DACH1: variants seen among roughly 807,000 people sequenced by gnomAD.
The protein encoded by DACH1 is dachshund family transcription factor 1.
DACH1 carries 12 observed loss-of-function variants against 54.2 expected under a neutral mutation model. The ratio of observed to expected loss-of-function variants is 0.22; its 90% CI spans 0.14 to 0.36. The LOEUF (loss-of-function observed/expected upper bound fraction) is 0.36, where lower values mean the gene tolerates loss of function less well. DACH1 is among the 10% of genes least tolerant of loss of function. The pLI, the probability that DACH1 is intolerant of heterozygous loss-of-function variation, is 1.00. For synonymous variants in DACH1, 386 were observed against 366.2 expected (o/e 1.05, Z -0.62); for missense variants, 805 against 929.8 (o/e 0.87, Z 1.75).
At chr13:71,831,570 C>A (rs1392647081) in intron 1 of DACH1, among the ~76,000 whole-genome samples, 1 of 151,790 alleles carries the variant, frequency 6.6e-6, no homozygotes, top group African/African-American at 2.4e-5. Context: ...GAGAGTTAAT[C>A]TTCTGATTCT....
intron 3 of DACH1, among the ~76,000 whole-genome samples, chr13:71,596,318 G>A (rs752102719): frequency 6.6e-6 from 1 of 152,014 alleles, no homozygotes; most frequent in Non-Finnish European, 1.5e-5. Context: ...TGCCGTGTGA[G>A]TCACTACTCC....
intron 2 of DACH1, among the ~76,000 whole-genome samples, chr13:71,672,894 A>G (rs903643712): frequency 6.6e-6 from 1 of 152,094 alleles, no homozygotes; most frequent in African/African-American, 2.4e-5. Flanking sequence ...TCAAAAGTTG[A>G]CTCTGAAAAT....
intron 1 of DACH1, among the ~76,000 whole-genome samples, chr13:71,821,015 G>A (rs1054871373): frequency 1.5e-4 from 23 of 152,156 alleles, no homozygotes; most frequent in Admixed American, 1.4e-3. Flanking sequence ...ACAGCTAGCT[G>A]TACTGCAAAG....
intron 1 of DACH1, among the ~76,000 whole-genome samples, chr13:71,710,370 G>A (rs547459475): frequency 8.6e-5 from 13 of 151,970 alleles, no homozygotes; most frequent in South Asian, 2.1e-4. Context: ...AGAGGGATGC[G>A]CAGAGGATCA....
intron 1 of DACH1, among the ~76,000 whole-genome samples, chr13:71,842,819 CA>C (rs1872967803): frequency 1.3e-5 from 2 of 152,006 alleles, no homozygotes; most frequent in Non-Finnish European, 2.9e-5. Flanking sequence ...GTAAGGTTAA[CA>C]ATAGGCTGAA....
chr13:71,492,109 C>T lies in DACH1; in HGVS notation c.1571-2961G>A, dbSNP rs1355759471. ...TGTTTTTTTTTGTTTTCTTAAAAAA[C>T]ATTTTACTTTAAAATAATTGTATAC... On this transcript the variant is annotated intron_variant, in intron 6 of 10. Transcript: ENST00000613252. 2.6e-5 allele frequency among the ~76,000 whole-genome samples: 4 copies of T among 152,026 alleles called. No homozygotes were observed. In the East Asian group the frequency reaches 7.7e-4, roughly 29 times the overall value.
Position 71,848,804 on chromosome 13 carries a change from T to C in DACH1, c.848+17118A>G, listed in dbSNP as rs549223982. ...CCTCCCAAAATGCTGGGATTACAGGTGTGAGCTACCTCACCTGGCCCAGAT... is the reference window on the plus strand; with the variant it reads ...CCTCCCAAAATGCTGGGATTACAGGCGTGAGCTACCTCACCTGGCCCAGAT... On this transcript the variant is annotated intron_variant, in intron 1 of 10. Transcript: ENST00000613252. Among the ~76,000 whole-genome samples, 9 of 152,282 alleles carry C rather than the reference T, an allele frequency of 5.9e-5. No homozygotes were observed. The East Asian group carries it at 1.5e-3, about 26-fold the overall frequency.
chr13:71,661,904 C>A (rs569003033), intron 2 of DACH1, among the ~76,000 whole-genome samples: 2 of 152,074 alleles, frequency 1.3e-5, no homozygotes, highest in South Asian at 4.2e-4. Flanking sequence ...GAGAATTAAT[C>A]TGTAACCTCC....
chr13:71,724,077 T>C (rs1274851155), intron 1 of DACH1, among the ~76,000 whole-genome samples: 1 of 152,182 alleles, frequency 6.6e-6, no homozygotes, highest in East Asian at 1.9e-4. Flanking sequence ...GCCCTCTCAG[T>C]ATTGAAATTT....
intron 3 of DACH1, among the ~76,000 whole-genome samples, chr13:71,606,829 T>C (rs139006424): frequency 6.6e-6 from 1 of 152,180 alleles, no homozygotes; most frequent in East Asian, 1.9e-4. Flanking sequence ...TAGTGAAAGG[T>C]AGCAAAAGAT....
chr13:71,493,365 T>A (rs1469612858), intron 6 of DACH1, among the ~76,000 whole-genome samples: 3 of 152,058 alleles, frequency 2.0e-5, no homozygotes, highest in Non-Finnish European at 4.4e-5. Context: ...GTTAAAGCAT[T>A]AATGGCTGCA....
chr13:71,806,377 ATGTTATACCC>A (rs1447241929), intron 1 of DACH1, among the ~76,000 whole-genome samples: 2 of 152,220 alleles, frequency 1.3e-5, no homozygotes, highest in Admixed American at 1.3e-4. Flanking sequence ...TGTGGCATTA[ATGTTATACCC>A]TGGGAAAATG....
At chr13:71,694,738 A>G (rs1199457052) in intron 1 of DACH1, among the ~76,000 whole-genome samples, 1 of 152,114 alleles carries the variant, frequency 6.6e-6, no homozygotes, top group Non-Finnish European at 1.5e-5. Flanking sequence ...CCTAATTCCC[A>G]TGTTCCCTTA....
At chr13:71,601,024 A>G (rs1229042967) in intron 3 of DACH1, among the ~76,000 whole-genome samples, 3 of 150,600 alleles carry the variant, frequency 2.0e-5, no homozygotes, top group Admixed American at 6.6e-5. Context: ...ATAATTCCGG[A>G]AAAAAAAATG....
At chr13:71,501,324 A>T (rs527938672) in intron 6 of DACH1, among the ~76,000 whole-genome samples, 2 of 152,312 alleles carry the variant, frequency 1.3e-5, no homozygotes, top group African/African-American at 4.8e-5. Context: ...CGCATATATG[A>T]AAACAGGTGA....
In DACH1 at chr13:71,677,045, A is replaced by C. The variant is rs545396602; in HGVS notation, c.964+4750T>G. Among the ~76,000 whole-genome samples, 6 of 152,364 alleles carry C rather than the reference A, an allele frequency of 3.9e-5. No homozygotes were observed. The South Asian group carries it at 1.2e-3, about 32-fold the overall frequency. On this transcript the variant is annotated intron_variant, in intron 2 of 10. Transcript: ENST00000613252. ...ATTTTTATGAAAATTGTATTTCAAA[A>C]TTAATTTGCATACTGACTTAAAGAT...
At chr13:71,532,359 T>C (rs1175014565) in intron 6 of DACH1, among the ~76,000 whole-genome samples, 1 of 151,952 alleles carries the variant, frequency 6.6e-6, no homozygotes, top group Admixed American at 6.6e-5. Context: ...TAAAGAGAAA[T>C]ATTTATGAAA....
chr13:71,692,010 T>TACACACAC (rs34800453), intron 1 of DACH1, among the ~76,000 whole-genome samples: 250 of 140,110 alleles, frequency 1.8e-3, no homozygotes, highest in Non-Finnish European at 2.6e-3. Flanking sequence ...AGCCCCCCAT[T>TACACACAC]ACACACACAC....
At chr13:71,825,975 T>C (rs1424198687) in intron 1 of DACH1, among the ~76,000 whole-genome samples, 1 of 152,098 alleles carries the variant, frequency 6.6e-6, no homozygotes, top group Non-Finnish European at 1.5e-5. Flanking sequence ...GCTGTATCCA[T>C]GCACATGTAA....
Sources: allele counts gnomAD v4.1 joint callset (sites outside exome capture counted in the v4.1 genomes callset), GRCh38; gene constraint gnomAD v4.1.1; transcripts MANE v1.5; gene names NCBI Gene and HGNC (gene_info 2026-07-23, HGNC 2026-07-21).